ZMAT4: variants seen among roughly 807,000 people sequenced by gnomAD.
The protein encoded by ZMAT4 is zinc finger matrin-type protein 4.
Under a neutral mutation model 28.7 loss-of-function variants are expected in ZMAT4, and 17 were observed. That is an observed-to-expected ratio of 0.59 (90% CI 0.41 to 0.89). The LOEUF (loss-of-function observed/expected upper bound fraction) is 0.89, where lower values mean the gene tolerates loss of function less well. Among genes scored for constraint, ZMAT4 ranks in the 40% least tolerant of loss-of-function variants. ZMAT4 has a pLI of 0.00. For synonymous variants in ZMAT4, 117 were observed against 109.2 expected (o/e 1.07, Z -0.44); for missense variants, 240 against 283.8 (o/e 0.85, Z 1.11).
chr8:40,635,394 C>T (rs1806754431), intron 5 of ZMAT4, among the ~76,000 whole-genome samples: 1 of 152,088 alleles, frequency 6.6e-6, no homozygotes, highest in Non-Finnish European at 1.5e-5. Context: ...TAAGAACACC[C>T]CACCACACAC....
At chr8:40,891,500 C>G (rs1416187045) in intron 1 of ZMAT4, among the ~76,000 whole-genome samples, 1 of 152,068 alleles carries the variant, frequency 6.6e-6, no homozygotes, top group Non-Finnish European at 1.5e-5. Flanking sequence ...AAGCTTGAGC[C>G]TGTCTCACAC....
chr8:40,697,217 T>C (rs762053794), intron 4 of ZMAT4, 28 bp downstream of exon 4: 2 of 1,547,818 alleles, frequency 1.3e-6, no homozygotes, highest in Non-Finnish European at 8.7e-7. Flanking sequence ...TTTCAGGGTC[T>C]CCCCACGATC....
chr8:40,794,354 A>G lies in ZMAT4; in HGVS notation c.103-26624T>C, dbSNP rs117525402. ...CAGACATGGAGTTACCCAACACACC[A>G]TATAGCACTATGTGTCTTGGTTCTG... is the stretch of plus-strand genomic sequence containing the variant. On this transcript the variant is annotated intron_variant, in intron 2 of 6. Transcript: ENST00000297737. 2.6e-4 allele frequency among the ~76,000 whole-genome samples: 39 copies of G among 152,274 alleles called. No individual in the cohort carries two copies. In the East Asian group the frequency reaches 5.8e-3, roughly 23 times the overall value.
chr8:40,628,935 G>A (rs921905199), intron 5 of ZMAT4, among the ~76,000 whole-genome samples: 3 of 151,254 alleles, frequency 2.0e-5, no homozygotes, highest in Non-Finnish European at 4.4e-5. Flanking sequence ...TGAAGATTGC[G>A]TTTCTATGAA....
intron 5 of ZMAT4, among the ~76,000 whole-genome samples, chr8:40,669,598 C>G (rs1252613525): frequency 6.6e-6 from 1 of 152,028 alleles, no homozygotes; most frequent in African/African-American, 2.4e-5. Context: ...TTTTCTCTTC[C>G]TGATGATTTT....
chr8:40,708,645 G>GTT (rs1429321378), intron 3 of ZMAT4, among the ~76,000 whole-genome samples: 1 of 93,012 alleles, frequency 1.1e-5, no homozygotes, highest in Non-Finnish European at 2.3e-5. Flanking sequence ...AAGCAATCTT[G>GTT]ATTTTTTTTT....
chr8:40,585,202 A>T (rs748023379), intron 5 of ZMAT4, among the ~76,000 whole-genome samples: 11 of 152,276 alleles, frequency 7.2e-5, no homozygotes, highest in South Asian at 6.2e-4. Flanking sequence ...TTAAGAGTCC[A>T]TTTAATTATG....
At chr8:40,894,131 G>A (rs550068635) in intron 1 of ZMAT4, among the ~76,000 whole-genome samples, 4 of 152,216 alleles carry the variant, frequency 2.6e-5, no homozygotes, top group Non-Finnish European at 4.4e-5. Context: ...TGCAGCAGGC[G>A]CAGGCCTCAG....
intron 6 of ZMAT4, among the ~76,000 whole-genome samples, chr8:40,537,255 A>C (rs547925483): frequency 2.0e-5 from 3 of 152,330 alleles, no homozygotes; most frequent in East Asian, 3.9e-4. Context: ...GACGACTGAA[A>C]GTAGAATGGG....
intron 5 of ZMAT4, among the ~76,000 whole-genome samples, chr8:40,637,497 A>G (rs550815183): frequency 1.3e-5 from 2 of 152,342 alleles, no homozygotes; most frequent in Admixed American, 6.5e-5. Context: ...TTGTGCACCT[A>G]CCACTCCTTG....
At chr8:40,825,416 A>G (rs554730715) in intron 2 of ZMAT4, among the ~76,000 whole-genome samples, 159 bp downstream of exon 2, 1 of 152,260 alleles carries the variant, frequency 6.6e-6, no homozygotes, top group East Asian at 1.9e-4. Flanking sequence ...CCCCACACAT[A>G]TACACTTGTC....
intron 5 of ZMAT4, among the ~76,000 whole-genome samples, chr8:40,605,534 G>T (rs1805551297): frequency 6.6e-6 from 1 of 152,082 alleles, no homozygotes; most frequent in Non-Finnish European, 1.5e-5. Flanking sequence ...TTCCACAGTG[G>T]CCTGAGAGAG....
chr8:40,648,225 T>C (rs1807443870), intron 5 of ZMAT4, among the ~76,000 whole-genome samples: 1 of 151,928 alleles, frequency 6.6e-6, no homozygotes, highest in African/African-American at 2.4e-5. Context: ...AGAGAAGTGC[T>C]TAAAGGAGCT....
intron 2 of ZMAT4, among the ~76,000 whole-genome samples, chr8:40,779,263 G>A (rs897365152): frequency 6.6e-6 from 1 of 152,048 alleles, no homozygotes; most frequent in East Asian, 1.9e-4. Context: ...CACCATGATT[G>A]CGAGGCCTCC....
rs553590507 is a variant in ZMAT4, at chr8:40,697,088, G to T, written c.349+157C>A. ...TATTTAGGGGTCTTAGGACAGCCAG[G>T]TCTGCTGAGGTCAGCCACTCATCCC... On this transcript the variant is annotated intron_variant, in intron 4 of 6. Coordinates refer to ENST00000297737, the MANE Select transcript of ZMAT4 (RefSeq NM_024645.3). The T allele has an allele frequency of 3.1e-4, 246 of 788,010 alleles. 3 individuals carry two copies. The South Asian group carries it at 3.7e-3, about 12-fold the overall frequency. 48.8% of individuals were successfully genotyped at this position (788,010 alleles called of 1,614,324 possible).
intron 5 of ZMAT4, among the ~76,000 whole-genome samples, chr8:40,629,610 A>T (rs1203853014): frequency 6.0e-5 from 8 of 133,252 alleles, no homozygotes; most frequent in East Asian, 2.3e-4. Context: ...CCTGTGTCCA[A>T]GTGTTCTCAT....
chr8:40,558,759 G>A lies in ZMAT4; in HGVS notation c.674+22406C>T, dbSNP rs528774929. On this transcript the variant is annotated intron_variant, in intron 6 of 6. Coordinates refer to ENST00000297737, the MANE Select transcript of ZMAT4 (RefSeq NM_024645.3). Reference sequence around the variant, plus strand: ...TCCTAAGGCCCCCAACTGACTGAACGGGCTCCCGCTTCTTGGCCGAGGGGA... The same window carrying A: ...TCCTAAGGCCCCCAACTGACTGAACAGGCTCCCGCTTCTTGGCCGAGGGGA... Among the ~76,000 whole-genome samples, 88 of 152,062 alleles carry A rather than the reference G, an allele frequency of 5.8e-4. 1 individual carries two copies. The highest frequency in any genetic ancestry group is 1.8e-3 in the African/African-American group (75 of 41,496).
At chr8:40,695,706 G>A (rs1369574958) in intron 4 of ZMAT4, among the ~76,000 whole-genome samples, 1 of 149,388 alleles carries the variant, frequency 6.7e-6, no homozygotes. Flanking sequence ...GAAAACAATT[G>A]GATGCTTGGT....
intron 3 of ZMAT4, among the ~76,000 whole-genome samples, chr8:40,734,119 T>C (rs1029774362): frequency 2.0e-5 from 3 of 152,194 alleles, no homozygotes; most frequent in East Asian, 3.9e-4. Context: ...AGAATGAGGA[T>C]AGCAAGCTAC....
Sources: allele counts gnomAD v4.1 joint callset (sites outside exome capture counted in the v4.1 genomes callset), GRCh38; gene constraint gnomAD v4.1.1; transcripts MANE v1.5; gene names NCBI Gene and HGNC (gene_info 2026-07-23, HGNC 2026-07-21).